The following SPAG16 variants were observed in gnomAD, a reference collection of about 807,000 sequenced individuals.
SPAG16 encodes sperm associated antigen 16.
A neutral mutation model predicts 80.4 loss-of-function variants in SPAG16; 86 were observed. That is an observed-to-expected ratio of 1.07 (90% CI 0.90 to 1.28). The LOEUF is 1.28. SPAG16 is among the 50% of genes most tolerant of loss of function. The pLI, the probability that SPAG16 is intolerant of heterozygous loss-of-function variation, is 0.00. For missense variants in SPAG16, 870 were observed against 765.3 expected (o/e 1.14, Z -1.61); for synonymous variants, 294 against 265.9 (o/e 1.11, Z -1.03).
chr2:213,373,150 A>C (rs2066725161), intron 8 of SPAG16, among the ~76,000 whole-genome samples: 2 of 152,144 alleles, frequency 1.3e-5, no homozygotes, highest in East Asian at 3.8e-4. Context: ...CAGCCATGAG[A>C]AGCTATGATA....
chr2:214,013,176 T>A (rs1427117167), intron 12 of SPAG16, among the ~76,000 whole-genome samples: 1 of 115,754 alleles, frequency 8.6e-6, no homozygotes, highest in East Asian at 3.0e-4. Flanking sequence ...ATGAGTATTT[T>A]GTCTTTTTTT....
chr2:213,443,896 C>G (rs931129822), intron 9 of SPAG16, among the ~76,000 whole-genome samples: 2 of 152,200 alleles, frequency 1.3e-5, no homozygotes, highest in Admixed American at 6.5e-5. Flanking sequence ...TACTCTCACT[C>G]CAATTCAGGC....
intron 15 of SPAG16, among the ~76,000 whole-genome samples, chr2:214,178,230 C>G (rs1001407214): frequency 6.7e-6 from 1 of 149,780 alleles, no homozygotes; most frequent in South Asian, 2.1e-4. Context: ...TTTCTTCAGA[C>G]AGGAGATATC....
At chr2:214,059,258 A>ATGTG (rs1284521463) in intron 13 of SPAG16, among the ~76,000 whole-genome samples, 2 of 103,212 alleles carry the variant, frequency 1.9e-5, no homozygotes, top group African/African-American at 7.4e-5. Context: ...ATATATATGT[A>ATGTG]TGTATATATA....
intron 9 of SPAG16, among the ~76,000 whole-genome samples, chr2:213,451,935 C>T (rs958742357): frequency 1.3e-5 from 2 of 149,668 alleles, no homozygotes; most frequent in African/African-American, 5.0e-5. Flanking sequence ...CATACCCCGA[C>T]CCCCACCCCA....
At chr2:213,449,450 C>G (rs990252474) in intron 9 of SPAG16, among the ~76,000 whole-genome samples, 1 of 152,140 alleles carries the variant, frequency 6.6e-6, no homozygotes, top group Non-Finnish European at 1.5e-5. Flanking sequence ...ACCCCCTCCC[C>G]TTTTGAAACC....
At chr2:214,041,332 A>C (rs1286205458) in intron 13 of SPAG16, among the ~76,000 whole-genome samples, 1 of 151,460 alleles carries the variant, frequency 6.6e-6, no homozygotes, top group African/African-American at 2.4e-5. Flanking sequence ...CAGAAGGAGG[A>C]TTGTATCAGC....
intron 10 of SPAG16, among the ~76,000 whole-genome samples, chr2:213,803,284 G>C (rs890593547): frequency 3.9e-5 from 6 of 152,144 alleles, no homozygotes; most frequent in African/African-American, 1.4e-4. Context: ...CCTTGAGAGT[G>C]CATAACTCAA....
At chr2:214,108,481 C>CA (rs879629337) in intron 14 of SPAG16, among the ~76,000 whole-genome samples, 866 of 74,816 alleles carry the variant, frequency 0.012, 2 homozygotes, top group South Asian at 0.048. Context: ...ACACACACAC[C>CA]CCCACACACA....
chr2:213,422,311 G>A (rs2069647482), intron 9 of SPAG16: 2 of 701,612 alleles, frequency 2.9e-6, no homozygotes, highest in African/African-American at 1.7e-5. Flanking sequence ...GTTGCTTGGA[G>A]TGCATCTGAT....
At chr2:214,317,401 A>T (rs1282854318) in intron 15 of SPAG16, among the ~76,000 whole-genome samples, 1 of 152,220 alleles carries the variant, frequency 6.6e-6, no homozygotes, top group Non-Finnish European at 1.5e-5. Context: ...GTGAACTGAA[A>T]CATCAGTCTC....
chr2:213,497,630 T>C (rs190902160), intron 10 of SPAG16, among the ~76,000 whole-genome samples: 102 of 152,194 alleles, frequency 6.7e-4, no homozygotes, highest in South Asian at 2.7e-3. Context: ...TCTATATTAA[T>C]AACCACAGTG....
chr2:213,735,614 C>T (rs1011287106), intron 10 of SPAG16, among the ~76,000 whole-genome samples: 2 of 152,020 alleles, frequency 1.3e-5, no homozygotes, highest in Non-Finnish European at 2.9e-5. Flanking sequence ...CCTTTAGGGG[C>T]CAGTGTGGAA....
At chr2:214,328,723 T>A (rs1423213373) in intron 15 of SPAG16, among the ~76,000 whole-genome samples, 3 of 152,244 alleles carry the variant, frequency 2.0e-5, no homozygotes, top group Non-Finnish European at 4.4e-5. Flanking sequence ...CAATTTTCAA[T>A]TTATCTTTTG....
chr2:213,717,156 ATTT>A (rs1411155401), intron 10 of SPAG16, among the ~76,000 whole-genome samples: 1 of 144,194 alleles, frequency 6.9e-6, no homozygotes, highest in Non-Finnish European at 1.5e-5. Context: ...GAAACTTTTC[ATTT>A]TTTTTTTTTT....
At chr2:213,684,842 T>A (rs1448738095) in intron 10 of SPAG16, among the ~76,000 whole-genome samples, 1 of 152,236 alleles carries the variant, frequency 6.6e-6, no homozygotes, top group African/African-American at 2.4e-5. Context: ...ACACATTATG[T>A]ATCCTCACGG....
chr2:213,400,063 C>T (rs1486120118), intron 9 of SPAG16, among the ~76,000 whole-genome samples: 1 of 151,924 alleles, frequency 6.6e-6, no homozygotes, highest in Non-Finnish European at 1.5e-5. Flanking sequence ...CATCATTCTT[C>T]CTGTAAATAT....
intron 15 of SPAG16, among the ~76,000 whole-genome samples, chr2:214,241,527 A>G (rs530912935): frequency 2.0e-5 from 3 of 152,178 alleles, no homozygotes; most frequent in African/African-American, 7.2e-5. Flanking sequence ...ATGCAGTATC[A>G]GTAAATATGG....
At chr2:213,420,329 G>A (rs1452025975) in intron 9 of SPAG16, among the ~76,000 whole-genome samples, 2 of 152,192 alleles carry the variant, frequency 1.3e-5, no homozygotes, top group South Asian at 2.1e-4. Flanking sequence ...TCCCTAAAGA[G>A]TGTGCTTATA....
Sources: allele counts gnomAD v4.1 joint callset (sites outside exome capture counted in the v4.1 genomes callset), GRCh38; gene constraint gnomAD v4.1.1; transcripts MANE v1.5; gene names NCBI Gene and HGNC (gene_info 2026-07-23, HGNC 2026-07-21).